Variants in LIPK observed in about 807,000 individuals in gnomAD.
LIPK encodes lipase family member K, also known as lipase member K.
Under a neutral mutation model 48.6 loss-of-function variants are expected in LIPK, and 32 were observed. The ratio of observed to expected loss-of-function variants is 0.66; its 90% CI spans 0.50 to 0.88. The LOEUF (loss-of-function observed/expected upper bound fraction) is 0.88, where lower values mean the gene tolerates loss of function less well. Among genes scored for constraint, LIPK ranks in the 40% least tolerant of loss-of-function variants. The pLI is 0.00. For missense variants in LIPK, 507 were observed against 478.5 expected, an observed-to-expected ratio of 1.06 and a Z score of -0.56; for synonymous variants, 164 against 157.4, an observed-to-expected ratio of 1.04 and a Z score of -0.32.
Position 88,711,747 on chromosome 10 carries a change from T to C in LIPK, c.-12+5427T>C, listed in dbSNP as rs780006342. ...GCCTTGGCTTCCCAAAGTACTGGGA[T>C]TACAAGCGTGAGCCACTGTGTCCGG... On this transcript the variant is annotated intron_variant, in intron 1 of 9. Coordinates refer to ENST00000404190, the MANE Select transcript of LIPK (RefSeq NM_001080518.2). Among the ~76,000 whole-genome samples the C allele has an allele frequency of 1.0e-3, 154 of 152,338 alleles. 1 individual carries two copies. Among genetic ancestry groups the C allele is most frequent in the Middle Eastern group, 3.4e-3 (1 of 294 alleles).
intron 8 of LIPK, among the ~76,000 whole-genome samples, chr10:88,740,692 G>T (rs1172379030): frequency 6.6e-6 from 1 of 152,088 alleles, no homozygotes; most frequent in Admixed American, 6.5e-5. Flanking sequence ...TGTAATATTT[G>T]CCTATATTCT....
chr10:88,718,467 A>G (rs930360449), intron 1 of LIPK, among the ~76,000 whole-genome samples: 4 of 151,612 alleles, frequency 2.6e-5, no homozygotes, highest in African/African-American at 9.7e-5. Flanking sequence ...GCATGTTGAC[A>G]TCAGCTTTGT....
Position 88,732,406 on chromosome 10 carries a change from C to A in LIPK, c.533-9C>A, listed in dbSNP as rs745402453. The A allele has an allele frequency of 2.5e-6, 4 of 1,605,226 alleles. No individual in the cohort carries two copies. The highest frequency in any genetic ancestry group is 2.5e-6 in the Non-Finnish European group (3 of 1,177,550). On this transcript the variant is annotated splice_polypyrimidine_tract_variant and intron_variant, in intron 5 of 9. Coordinates refer to ENST00000404190, the MANE Select transcript of LIPK (RefSeq NM_001080518.2). ...GAAAACTATGAACTACTGTCTTCTTCCATTTCAGCTTTTATAGCATTTTCT... is the reference window on the plus strand; with the variant it reads ...GAAAACTATGAACTACTGTCTTCTTACATTTCAGCTTTTATAGCATTTTCT...
Position 88,731,116 on chromosome 10 carries a change from A to G in LIPK, c.357A>G (p.Arg119=), listed in dbSNP as rs746074722. The change falls in exon 4 of 10, where the codon CGA becomes CGG. Residue 119 remains arginine (R), a synonymous_variant. Transcript: ENST00000404190. The part of the protein sequence containing the change: ...SGYDVWLGNS[R]GNTWSRKHLK... The stretch of plus-strand genomic sequence containing the variant: ...ATGACGTGTGGTTGGGGAACAGCCG[A>G]GGAAACACTTGGTCCAGAAAACACC... The G allele has an allele frequency of 1.9e-6, 3 of 1,606,226 alleles. No homozygotes were observed. Among genetic ancestry groups the G allele is most frequent in the Non-Finnish European group, 2.5e-6 (3 of 1,176,814 alleles).
At chr10:88,714,812 C>T (rs1842087333) in intron 1 of LIPK, among the ~76,000 whole-genome samples, 1 of 151,828 alleles carries the variant, frequency 6.6e-6, no homozygotes, top group Non-Finnish European at 1.5e-5. Context: ...TTAATTTTTT[C>T]CAAGGACCAA....
At chr10:88,715,567 C>CT (rs1319747170) in intron 1 of LIPK, among the ~76,000 whole-genome samples, 1 of 151,870 alleles carries the variant, frequency 6.6e-6, no homozygotes, top group Non-Finnish European at 1.5e-5. Context: ...TTGGGCCCCG[C>CT]TTTTTTTATA....
At chr10:88,742,269 C>G (rs1179211720) in intron 8 of LIPK, among the ~76,000 whole-genome samples, 1 of 152,206 alleles carries the variant, frequency 6.6e-6, no homozygotes, top group African/African-American at 2.4e-5. Flanking sequence ...AGATTTGATC[C>G]TAGAGCCCAA....
intron 6 of LIPK, 129 bp downstream of exon 6, chr10:88,732,680 G>A (rs1232169109): frequency 1.1e-5 from 10 of 931,496 alleles, no homozygotes; most frequent in Admixed American, 4.9e-5. Context: ...ATCCATGTAA[G>A]TTCACTGATG....
At chr10:88,711,427 A>G (rs1416366643) in intron 1 of LIPK, among the ~76,000 whole-genome samples, 2 of 152,168 alleles carry the variant, frequency 1.3e-5, no homozygotes, top group Admixed American at 6.6e-5. Context: ...CAAGTACAAT[A>G]CAATAAACTA....
chr10:88,726,758 A>G, intron 2 of LIPK, 37 bp from the exon 3 acceptor site: 1 of 964,274 alleles, frequency 1.0e-6, no homozygotes, highest in Non-Finnish European at 1.6e-6. Context: ...TTAAGAGATT[A>G]TAACATGAAG....
intron 1 of LIPK, among the ~76,000 whole-genome samples, chr10:88,711,869 G>T (rs426836): frequency 0.78 from 119,199 of 152,044 alleles, 47,687 homozygotes; most frequent in East Asian, 1. Context: ...TACCCCAAAC[G>T]TGTAAAGATA....
Position 88,740,067 on chromosome 10 carries a change from G to A in LIPK, c.888G>A (p.Gln296=). 1 of 1,610,446 alleles carries A rather than the reference G, an allele frequency of 6.2e-7. No individual in the cohort carries two copies. Among genetic ancestry groups the A allele is most frequent in the Non-Finnish European group, 8.5e-7 (1 of 1,177,610 alleles). Reference sequence around the variant, plus strand: ...TTCAGAATATGCTGCACTGGGCTCAGGTAAGTGCTTCTTATTCCTGCTTGA... The same window carrying A: ...TTCAGAATATGCTGCACTGGGCTCAAGTAAGTGCTTCTTATTCCTGCTTGA... ...TSVQNMLHWA[Q]AVNSGQLQAF... is the part of the protein sequence containing the mutation. The change falls in exon 8 of 10, where the codon CAG becomes CAA. Residue 296 remains glutamine, a splice_region_variant and synonymous_variant. Transcript: ENST00000404190.
intron 8 of LIPK, 124 bp from the exon 9 acceptor site, chr10:88,743,126 G>T: frequency 1.7e-6 from 1 of 572,566 alleles, no homozygotes; most frequent in Non-Finnish European, 3.1e-6. Context: ...AATCTTTATT[G>T]AAATTTAGCT....
At chr10:88,729,696 G>A (rs898188236) in intron 3 of LIPK, among the ~76,000 whole-genome samples, 3 of 152,212 alleles carry the variant, frequency 2.0e-5, no homozygotes, top group African/African-American at 7.2e-5. Context: ...CTTTGGCAGA[G>A]TTAGTAACAC....
intron 1 of LIPK, among the ~76,000 whole-genome samples, chr10:88,707,727 T>C (rs969538719): frequency 6.6e-5 from 10 of 152,168 alleles, no homozygotes; most frequent in African/African-American, 2.4e-4. Context: ...AAATCTACAA[T>C]TTTTAGGACT....
chr10:88,733,870 C>T (rs993021027), intron 6 of LIPK, among the ~76,000 whole-genome samples: 1 of 152,198 alleles, frequency 6.6e-6, no homozygotes, highest in Non-Finnish European at 1.5e-5. Flanking sequence ...TACAAGGAAA[C>T]TTTCCAGCTT....
At chr10:88,720,930 A>T (rs928084529) in intron 1 of LIPK, among the ~76,000 whole-genome samples, 2 of 151,686 alleles carry the variant, frequency 1.3e-5, no homozygotes, top group Non-Finnish European at 2.9e-5. Context: ...TAAAATATAC[A>T]ATAAATATAA....
In LIPK at chr10:88,743,253, G is replaced by T. The variant is rs776169397; in HGVS notation, c.892G>T (p.Val298Phe). Residue 298 changes from valine (V) to phenylalanine (F), a missense_variant, in exon 9 of 10, where the codon GTT (valine) becomes TTT (phenylalanine). Val to Phe is a conservative substitution (Grantham distance 50). Coordinates refer to ENST00000404190, the MANE Select transcript of LIPK (RefSeq NM_001080518.2). ...VQNMLHWAQA[V>F]NSGQLQAFDW... Reference sequence around the variant, plus strand: ...TAACGTGCTTATTTTATTTTAGGCTGTTAATTCTGGTCAGCTCCAAGCTTT... The same window carrying T: ...TAACGTGCTTATTTTATTTTAGGCTTTTAATTCTGGTCAGCTCCAAGCTTT... 15 of 1,580,484 alleles carry T rather than the reference G, an allele frequency of 9.5e-6. No homozygotes were observed. Among genetic ancestry groups the T allele is most frequent in the Non-Finnish European group, 1.3e-5 (15 of 1,160,186 alleles).
intron 9 of LIPK, among the ~76,000 whole-genome samples, chr10:88,750,305 A>G (rs1016640357): frequency 4.6e-5 from 7 of 152,218 alleles, no homozygotes; most frequent in African/African-American, 1.7e-4. Flanking sequence ...ATTACTAGGT[A>G]TATACTCAAA....
Sources: allele counts gnomAD v4.1 joint callset (sites outside exome capture counted in the v4.1 genomes callset), GRCh38; gene constraint gnomAD v4.1.1; transcripts MANE v1.5; gene names NCBI Gene and HGNC (gene_info 2026-07-23, HGNC 2026-07-21).